PAFAH2: variants seen among roughly 807,000 people sequenced by gnomAD.
PAFAH2 encodes platelet activating factor acetylhydrolase 2, also known as platelet-activating factor acetylhydrolase 2, cytoplasmic.
PAFAH2 carries 42 observed loss-of-function variants against 49.0 expected under a neutral mutation model. That is an observed-to-expected ratio of 0.86 (90% CI 0.67 to 1.11). PAFAH2 has a LOEUF of 1.11. PAFAH2 is among the 50% of genes least tolerant of loss of function. The probability of loss-of-function intolerance (pLI) is 0.00; values close to 1 mark genes in which losing one functional copy is unlikely to be tolerated. For missense variants in PAFAH2, 503 were observed against 501.8 expected, an observed-to-expected ratio of 1.00 and a Z score of -0.02; for synonymous variants, 184 against 181.3, an observed-to-expected ratio of 1.01 and a Z score of -0.12.
intron 9 of PAFAH2, among the ~76,000 whole-genome samples, chr1:25,973,949 C>T (rs912288409): frequency 2.0e-5 from 3 of 152,096 alleles, no homozygotes; most frequent in Non-Finnish European, 4.4e-5. Flanking sequence ...TGAAAAATGG[C>T]TCCCAAAAGA....
Position 25,972,629 on chromosome 1 carries a change from C to T in PAFAH2, c.1013G>A (p.Gly338Glu). 1.2e-6 allele frequency: 2 copies of T among 1,613,926 alleles called. No individual in the cohort carries two copies. Among genetic ancestry groups the T allele is most frequent in the South Asian group, 1.1e-5 (1 of 91,074 alleles). The change falls in exon 10 of 11, where the codon GGG (glycine) becomes GAG (glutamate). Residue 338 changes from glycine to glutamate, a missense_variant. Transcript: ENST00000374282. ...CTGCCCTTCATAGGGGTCCAGGCTC[C>T]CACGGGTTTCAGTGGAGAAGAATTT... ...IGKFFSTETRGSLDPYEGQEV... is the reference protein window; with the variant it reads ...IGKFFSTETRESLDPYEGQEV...
intron 8 of PAFAH2, among the ~76,000 whole-genome samples, chr1:25,976,103 A>T (rs776596691): frequency 2.0e-5 from 3 of 152,052 alleles, no homozygotes; most frequent in Non-Finnish European, 2.9e-5. Flanking sequence ...TTGCCTTCCC[A>T]GTCTTGATTT....
intron 1 of PAFAH2, among the ~76,000 whole-genome samples, chr1:25,993,133 C>CTT (rs2049897711): frequency 6.6e-6 from 1 of 152,182 alleles, no homozygotes; most frequent in Non-Finnish European, 1.5e-5. Context: ...CACTCCTAGA[C>CTT]TTTCTAGTTA....
At chr1:25,983,809 T>C (rs980151577) in intron 6 of PAFAH2, 137 bp downstream of exon 6, 31 of 942,638 alleles carry the variant, frequency 3.3e-5, no homozygotes, top group African/African-American at 6.5e-5. Flanking sequence ...ATATCCTATG[T>C]ATTTCCACTG....
chr1:25,984,568 A>G lies in PAFAH2; in HGVS notation c.342-40T>C, dbSNP rs751383203. ...AGGAACAAGGAAAAGGGATCAAAAG[A>G]ACAGCCCAGCCTTCACCCTCATTCC... On this transcript the variant is annotated intron_variant, in intron 4 of 10. Coordinates refer to ENST00000374282, the MANE Select transcript of PAFAH2 (RefSeq NM_000437.4). 3 of 1,518,186 alleles carry G rather than the reference A, an allele frequency of 2.0e-6. No individual in the cohort carries two copies. The South Asian group carries it at 3.4e-5, about 17-fold the overall frequency. The allele number at this position is 1,518,186 out of a possible 1,614,324, so 94.0% of individuals were successfully genotyped here.
intron 10 of PAFAH2, among the ~76,000 whole-genome samples, chr1:25,967,046 A>AG (rs2049436373): frequency 1.3e-5 from 2 of 151,266 alleles, no homozygotes; most frequent in African/African-American, 4.8e-5. Flanking sequence ...AAAAAAAAAA[A>AG]AAAAGACTGT....
At chr1:25,990,003 C>T (rs1474566521) in intron 2 of PAFAH2, among the ~76,000 whole-genome samples, 3 of 152,010 alleles carry the variant, frequency 2.0e-5, no homozygotes, top group Admixed American at 2.0e-4. Flanking sequence ...AGGACAGCCC[C>T]TGGGAAGCAA....
intron 7 of PAFAH2, among the ~76,000 whole-genome samples, chr1:25,981,615 C>G (rs141089692): frequency 6.6e-6 from 1 of 152,162 alleles, no homozygotes; most frequent in Admixed American, 6.5e-5. Context: ...GCAGGCCAAT[C>G]GGAATACCCT....
chr1:25,981,583 C>T lies in PAFAH2; in HGVS notation c.666+781G>A, dbSNP rs151096590. On this transcript the variant is annotated intron_variant, in intron 7 of 10. Coordinates refer to ENST00000374282, the MANE Select transcript of PAFAH2 (RefSeq NM_000437.4). ...CCTGTGGGTGGTCAATCACCTGACC[C>T]AGAAGTGAGAATGTAACCTAGGCAG... is the stretch of plus-strand genomic sequence containing the variant. 1.7e-3 allele frequency among the ~76,000 whole-genome samples: 260 copies of T among 152,274 alleles called. 1 individual carries two copies. Among genetic ancestry groups the T allele is most frequent in the Non-Finnish European group, 2.5e-3 (173 of 68,028 alleles).
chr1:25,966,381 C>T (rs558304127), intron 10 of PAFAH2, among the ~76,000 whole-genome samples: 141 of 152,248 alleles, frequency 9.3e-4, no homozygotes, highest in African/African-American at 3.3e-3. Context: ...TGCCCATCAA[C>T]AGAAGATCTG....
intron 7 of PAFAH2, among the ~76,000 whole-genome samples, chr1:25,979,966 C>T (rs974225788): frequency 1.3e-5 from 2 of 152,210 alleles, no homozygotes; most frequent in Non-Finnish European, 1.5e-5. Context: ...GTGCCCAGGG[C>T]ACCTCCAAGT....
intron 9 of PAFAH2, among the ~76,000 whole-genome samples, 193 bp from the exon 10 acceptor site, chr1:25,972,905 A>T (rs1339602481): frequency 1.3e-5 from 2 of 152,216 alleles, no homozygotes; most frequent in Non-Finnish European, 2.9e-5. Context: ...CAGGTCATAC[A>T]AGTAGTTGGG....
intron 10 of PAFAH2, among the ~76,000 whole-genome samples, chr1:25,965,360 TA>T (rs1209399494): frequency 2.6e-5 from 4 of 152,102 alleles, no homozygotes; most frequent in African/African-American, 9.7e-5. Context: ...AATTCGTCCT[TA>T]AAAGCAAATG....
At chr1:25,983,421 G>A (rs2049724387) in intron 6 of PAFAH2, among the ~76,000 whole-genome samples, 1 of 152,012 alleles carries the variant, frequency 6.6e-6, no homozygotes, top group African/African-American at 2.4e-5. Context: ...GCTGCGCATA[G>A]TGGTGCATGT....
intron 10 of PAFAH2, among the ~76,000 whole-genome samples, chr1:25,969,490 A>T (rs1436221572): frequency 6.6e-6 from 1 of 152,224 alleles, no homozygotes; most frequent in Non-Finnish European, 1.5e-5. Context: ...TAGGTTACAT[A>T]TTGGCTTTGC....
chr1:25,969,701 C>T (rs1229470237), intron 10 of PAFAH2, among the ~76,000 whole-genome samples: 1 of 152,180 alleles, frequency 6.6e-6, no homozygotes, highest in Non-Finnish European at 1.5e-5. Context: ...CTCCTACCTC[C>T]CATTTCCATG....
At chr1:25,977,792 C>T (rs988401339) in intron 7 of PAFAH2, among the ~76,000 whole-genome samples, 1 of 151,980 alleles carries the variant, frequency 6.6e-6, no homozygotes, top group Admixed American at 6.6e-5. Flanking sequence ...TAAACTGGTC[C>T]GAGGGTCCAT....
At chr1:25,987,221 G>A (rs1032416520) in intron 4 of PAFAH2, among the ~76,000 whole-genome samples, 1 of 149,404 alleles carries the variant, frequency 6.7e-6, no homozygotes, top group Non-Finnish European at 1.5e-5. Flanking sequence ...GCGACTGATC[G>A]AGACTCTGTC....
chr1:25,990,686 G>A (rs145457479), intron 2 of PAFAH2, 41 bp downstream of exon 2: 22,397 of 1,491,216 alleles, frequency 0.015, 229 homozygotes, highest in Middle Eastern at 0.027. Flanking sequence ...GGTGCCGGCA[G>A]AAGCAGTGCA....
Sources: gnomAD v4.1 joint callset for allele counts (sites outside exome capture counted in the v4.1 genomes callset) on GRCh38, gnomAD v4.1.1 for gene constraint, MANE v1.5 for transcripts, NCBI Gene and HGNC (gene_info 2026-07-23, HGNC 2026-07-21) for gene names.